The following BTRC variants were observed in gnomAD, a reference collection of about 807,000 sequenced individuals.
The protein encoded by BTRC is beta-transducin repeat containing E3 ubiquitin protein ligase.
A neutral mutation model predicts 85.5 loss-of-function variants in BTRC; 42 were observed. The ratio of observed to expected loss-of-function variants is 0.49; its 90% CI spans 0.38 to 0.64. The LOEUF (loss-of-function observed/expected upper bound fraction) is 0.64, where lower values mean the gene tolerates loss of function less well. BTRC is among the 30% of genes least tolerant of loss of function. The probability of loss-of-function intolerance (pLI) is 0.00; values close to 1 mark genes in which losing one functional copy is unlikely to be tolerated. For synonymous variants in BTRC, 255 were observed against 263.3 expected, an observed-to-expected ratio of 0.97 and a Z score of 0.30; for missense variants, 594 against 743.5, an observed-to-expected ratio of 0.80 and a Z score of 2.34.
Position 101,534,851 on chromosome 10 carries a change from A to G in BTRC, c.1288A>G (p.Asn430Asp). The G allele has an allele frequency of 6.2e-7, 1 of 1,614,104 alleles. No homozygotes were observed. The highest frequency in any genetic ancestry group is 8.5e-7 in the Non-Finnish European group (1 of 1,179,964). Residue 430 changes from asparagine to aspartate, a missense_variant, in exon 10 of 15, where the codon AAT becomes GAT. Asn to Asp is a conservative substitution (Grantham distance 23). This residue lies in a region of BTRC where 373 missense variants were observed against 503.6 expected (regional missense o/e 0.74). Coordinates refer to ENST00000370187, the MANE Select transcript of BTRC (RefSeq NM_033637.4). ...GCTGGTCGGACACCGAGCTGCTGTC[A>G]ATGTTGTAGACTTTGATGACAAGTA... ...RVLVGHRAAV[N>D]VVDFDDKYIV...
chr10:101,365,884 A>G (rs927539186), intron 1 of BTRC, among the ~76,000 whole-genome samples: 1 of 152,210 alleles, frequency 6.6e-6, no homozygotes, highest in African/African-American at 2.4e-5. Context: ...AAACAAAATG[A>G]TCATGGACTA....
chr10:101,443,074 G>A (rs772176538), intron 2 of BTRC, among the ~76,000 whole-genome samples: 92 of 151,966 alleles, frequency 6.1e-4, no homozygotes, highest in Middle Eastern at 3.4e-3. Context: ...AGTAGAGACG[G>A]GGTTTCACCA....
intron 1 of BTRC, among the ~76,000 whole-genome samples, chr10:101,359,042 C>G (rs897089194): frequency 3.9e-5 from 6 of 152,052 alleles, no homozygotes; most frequent in Non-Finnish European, 5.9e-5. Flanking sequence ...GGAGGCATCT[C>G]TTTTTTTGAG....
At chr10:101,539,937 C>T (rs139044855) in intron 13 of BTRC, among the ~76,000 whole-genome samples, 2 of 152,250 alleles carry the variant, frequency 1.3e-5, no homozygotes, top group East Asian at 1.9e-4. Context: ...CTGTATATCT[C>T]CTTTGGTGAA....
At chr10:101,421,826 A>G (rs1379132084) in intron 1 of BTRC, among the ~76,000 whole-genome samples, 2 of 151,874 alleles carry the variant, frequency 1.3e-5, no homozygotes, top group Non-Finnish European at 2.9e-5. Flanking sequence ...GCTGGCTACT[A>G]TTCCATGGTG....
intron 2 of BTRC, among the ~76,000 whole-genome samples, chr10:101,455,389 CAG>C (rs1469422353): frequency 1.3e-5 from 2 of 152,014 alleles, no homozygotes; most frequent in Admixed American, 6.6e-5. Flanking sequence ...TAAGATGAAA[CAG>C]AAACTGGCCC....
chr10:101,430,518 G>A, intron 2 of BTRC, 66 bp downstream of exon 2: 2 of 1,272,952 alleles, frequency 1.6e-6, no homozygotes, highest in Admixed American at 1.8e-5. Context: ...ATTAGTATGT[G>A]CCTCCTCCTT....
intron 2 of BTRC, among the ~76,000 whole-genome samples, chr10:101,444,108 T>C (rs1564776464): frequency 6.6e-6 from 1 of 152,350 alleles, no homozygotes; most frequent in East Asian, 1.9e-4. Context: ...CTTATGTTCA[T>C]ATCAGATATA....
chr10:101,430,333 C>T lies in BTRC; in HGVS notation c.49-12C>T. On this transcript the variant is annotated splice_polypyrimidine_tract_variant and intron_variant, in intron 1 of 14. Coordinates refer to ENST00000370187, the MANE Select transcript of BTRC (RefSeq NM_033637.4). Reference sequence around the variant, plus strand: ...CATACTGTCCCATCTCATAGTTGTCCTCTCTCTGCAGTGCTCTATGCCCAG... The same window carrying T: ...CATACTGTCCCATCTCATAGTTGTCTTCTCTCTGCAGTGCTCTATGCCCAG... The T allele has an allele frequency of 6.2e-7, 1 of 1,601,140 alleles. No homozygotes were observed. The highest frequency in any genetic ancestry group is 1.1e-5 in the South Asian group (1 of 90,204).
At chr10:101,526,273 G>A in intron 6 of BTRC, 74 bp downstream of exon 6, 1 of 1,393,668 alleles carries the variant, frequency 7.2e-7, no homozygotes, top group Non-Finnish European at 9.8e-7. Flanking sequence ...AGATTTTTGG[G>A]GAGCCAATGA....
chr10:101,401,633 A>G (rs1396318414), intron 1 of BTRC, among the ~76,000 whole-genome samples: 6 of 152,166 alleles, frequency 3.9e-5, no homozygotes, highest in Non-Finnish European at 5.9e-5. Flanking sequence ...AGAATTTATT[A>G]TGCTGATACA....
intron 3 of BTRC, among the ~76,000 whole-genome samples, chr10:101,464,607 T>G (rs1945324042): frequency 7.0e-6 from 1 of 141,886 alleles, no homozygotes; most frequent in Non-Finnish European, 1.5e-5. Flanking sequence ...ATCCAAGCTC[T>G]GGAGATTAAT....
intron 4 of BTRC, among the ~76,000 whole-genome samples, chr10:101,514,143 T>G (rs2061992341): frequency 6.6e-6 from 1 of 152,222 alleles, no homozygotes; most frequent in Non-Finnish European, 1.5e-5. Flanking sequence ...ATTATTGAGT[T>G]CTAAGAGTTC....
chr10:101,356,104 G>A (rs1228746800), intron 1 of BTRC, among the ~76,000 whole-genome samples: 1 of 152,184 alleles, frequency 6.6e-6, no homozygotes, highest in Non-Finnish European at 1.5e-5. Context: ...CTGGGTTCAA[G>A]CGATTCTCCT....
intron 6 of BTRC, 135 bp from the exon 7 acceptor site, chr10:101,531,102 C>T (rs750657361): frequency 2.8e-5 from 17 of 604,840 alleles, no homozygotes; most frequent in Non-Finnish European, 4.8e-5. Flanking sequence ...ACCCAGGAAG[C>T]GGAGGTTGCA....
At chr10:101,496,343 G>C (rs1946259971) in intron 4 of BTRC, among the ~76,000 whole-genome samples, 1 of 152,026 alleles carries the variant, frequency 6.6e-6, no homozygotes, top group Non-Finnish European at 1.5e-5. Context: ...ACCAACACTT[G>C]GTGTTGTCTA....
At chr10:101,528,990 T>C (rs998521276) in intron 6 of BTRC, among the ~76,000 whole-genome samples, 6 of 152,238 alleles carry the variant, frequency 3.9e-5, no homozygotes, top group Middle Eastern at 3.2e-3. Flanking sequence ...TAATACTGAA[T>C]ATGCTGTCTG....
At chr10:101,439,655 C>CA (rs1944628878) in intron 2 of BTRC, among the ~76,000 whole-genome samples, 1 of 152,184 alleles carries the variant, frequency 6.6e-6, no homozygotes, top group South Asian at 2.1e-4. Flanking sequence ...GCCTTAAATG[C>CA]ATGAAAAGGG....
intron 1 of BTRC, among the ~76,000 whole-genome samples, chr10:101,357,814 C>T (rs1454396858): frequency 1.3e-5 from 2 of 152,174 alleles, no homozygotes; most frequent in African/African-American, 4.8e-5. Context: ...TATTGTTTTA[C>T]TTGTGAAAAA....
Sources: gnomAD v4.1 joint callset for allele counts (sites outside exome capture counted in the v4.1 genomes callset) on GRCh38, gnomAD v4.1.1 for gene constraint, gnomAD v4.1.1 regional missense constraint, MANE v1.5 for transcripts, NCBI Gene and HGNC (gene_info 2026-07-23, HGNC 2026-07-21) for gene names.